The following NRXN1 variants were observed in gnomAD, a reference collection of about 807,000 sequenced individuals.
NRXN1 encodes neurexin 1.
In NRXN1, 39 loss-of-function variants were observed where a neutral mutation model predicts 150.9. The observed-to-expected ratio is 0.26, with a 90% CI of 0.20 to 0.34. The LOEUF (loss-of-function observed/expected upper bound fraction) is 0.34, where lower values mean the gene tolerates loss of function less well. Among genes scored for constraint, NRXN1 ranks in the 10% least tolerant of loss-of-function variants. The pLI is 1.00. For missense variants in NRXN1, 1,815 were observed against 1,949.9 expected, an observed-to-expected ratio of 0.93 and a Z score of 1.30; for synonymous variants, 924 against 757.0, an observed-to-expected ratio of 1.22 and a Z score of -3.62.
At chr2:50,770,873 C>T (rs1702935654) in intron 5 of NRXN1, among the ~76,000 whole-genome samples, 1 of 151,980 alleles carries the variant, frequency 6.6e-6, no homozygotes, top group Admixed American at 6.6e-5. Context: ...GACTATTTTT[C>T]CATACTTCAG....
At chr2:50,710,499 G>T (rs1355252566) in intron 5 of NRXN1, among the ~76,000 whole-genome samples, 3 of 152,058 alleles carry the variant, frequency 2.0e-5, no homozygotes, top group African/African-American at 7.2e-5. Flanking sequence ...CTATTTTTCA[G>T]CAAGCTATTA....
At chr2:50,013,485 G>A (rs903235519) in intron 21 of NRXN1, among the ~76,000 whole-genome samples, 1 of 151,960 alleles carries the variant, frequency 6.6e-6, no homozygotes, top group African/African-American at 2.4e-5. Context: ...TACTTTTGTC[G>A]TGGTTTATTA....
At chr2:50,830,612 T>G (rs1453044122) in intron 5 of NRXN1, among the ~76,000 whole-genome samples, 2 of 151,572 alleles carry the variant, frequency 1.3e-5, no homozygotes, top group African/African-American at 4.9e-5. Context: ...AGGATCACTT[T>G]CATCATTCTC....
intron 21 of NRXN1, among the ~76,000 whole-genome samples, chr2:50,027,368 TCCTTCCTTCCTTCCTCCCTC>T (rs1285211979): frequency 7.1e-5 from 6 of 84,198 alleles, no homozygotes; most frequent in Middle Eastern, 6.3e-3. Flanking sequence ...CTTCGTTGCT[TCCTTCCTTCCTTCCTCCCTC>T]CCTTCCTTCC....
intron 2 of NRXN1, among the ~76,000 whole-genome samples, chr2:50,969,756 T>C (rs1420633393): frequency 1.3e-5 from 2 of 152,160 alleles, no homozygotes; most frequent in Admixed American, 6.6e-5. Flanking sequence ...CAAAGTACTG[T>C]AGAGGCCAAG....
chr2:50,981,938 A>C (rs1696895623), intron 2 of NRXN1, among the ~76,000 whole-genome samples: 1 of 151,994 alleles, frequency 6.6e-6, no homozygotes, highest in African/African-American at 2.4e-5. Flanking sequence ...AAATCCAGAT[A>C]TCTTAAAAAG....
At chr2:50,801,006 T>C (rs1173626910) in intron 5 of NRXN1, among the ~76,000 whole-genome samples, 1 of 152,186 alleles carries the variant, frequency 6.6e-6, no homozygotes. Flanking sequence ...TTTACTGAGA[T>C]TTTTTGAATG....
At position 50,609,173 on chromosome 2, in the gene NRXN1, C is replaced by T. The variant is rs151060673; in HGVS notation, c.1320+10849G>A. Among the ~76,000 whole-genome samples, 770 of 152,122 alleles carry T rather than the reference C, an allele frequency of 5.1e-3. 10 individuals are homozygous for T. The highest frequency in any genetic ancestry group is 0.018 in the African/African-American group (742 of 41,518). ...CAATTTTCTCACAAAGCTCTTAGAACAATTAAATGAAACAACTTTTAATAT... is the reference window on the plus strand; with the variant it reads ...CAATTTTCTCACAAAGCTCTTAGAATAATTAAATGAAACAACTTTTAATAT... On this transcript the variant is annotated intron_variant, in intron 8 of 22. Coordinates refer to ENST00000401669, the MANE Select transcript of NRXN1 (RefSeq NM_001330078.2).
chr2:49,996,284 C>T (rs1682984675), intron 21 of NRXN1, among the ~76,000 whole-genome samples: 4 of 152,046 alleles, frequency 2.6e-5, no homozygotes, highest in East Asian at 1.9e-4. Context: ...AATCTCAGGA[C>T]ATGTAGAGAA....
chr2:50,506,728 G>A (rs2105001349), intron 12 of NRXN1, 111 bp from the exon 13 acceptor site: 2 of 1,027,570 alleles, frequency 1.9e-6, no homozygotes, highest in South Asian at 1.9e-5. Flanking sequence ...AGAGAGAGGA[G>A]AGAAAGAAGA....
chr2:50,248,257 T>G (rs1161073771), intron 17 of NRXN1, among the ~76,000 whole-genome samples: 3 of 152,152 alleles, frequency 2.0e-5, no homozygotes, highest in Non-Finnish European at 4.4e-5. Context: ...TCAATAGATC[T>G]TTCTGCCTTG....
intron 5 of NRXN1, among the ~76,000 whole-genome samples, chr2:50,847,206 T>C (rs1270797655): frequency 3.3e-5 from 5 of 152,158 alleles, no homozygotes; most frequent in African/African-American, 1.2e-4. Context: ...GAGCATGACC[T>C]TCCTACTTCA....
intron 5 of NRXN1, among the ~76,000 whole-genome samples, chr2:50,633,400 T>C (rs1045865323): frequency 6.6e-6 from 1 of 152,064 alleles, no homozygotes; most frequent in African/African-American, 2.4e-5. Flanking sequence ...GAGAGGGTAA[T>C]AAATATGTGA....
At chr2:50,847,204 C>T (rs1390281094) in intron 5 of NRXN1, among the ~76,000 whole-genome samples, 1 of 152,080 alleles carries the variant, frequency 6.6e-6, no homozygotes, top group Non-Finnish European at 1.5e-5. Flanking sequence ...CAGAGCATGA[C>T]CTTCCTACTT....
At chr2:50,432,901 T>C (rs2085093887) in intron 17 of NRXN1, among the ~76,000 whole-genome samples, 1 of 152,224 alleles carries the variant, frequency 6.6e-6, no homozygotes, top group African/African-American at 2.4e-5. Flanking sequence ...TTTTTGTTTA[T>C]ACAGTGAAGG....
chr2:50,226,204 C>T (rs376318733), intron 18 of NRXN1, among the ~76,000 whole-genome samples: 1 of 151,888 alleles, frequency 6.6e-6, no homozygotes, highest in African/African-American at 2.4e-5. Flanking sequence ...AGTTTTAATG[C>T]ATATTAGATG....
intron 9 of NRXN1, among the ~76,000 whole-genome samples, chr2:50,551,815 C>T (rs1667583140): frequency 6.6e-6 from 1 of 151,920 alleles, no homozygotes; most frequent in African/African-American, 2.4e-5. Flanking sequence ...TCCCTCCTTC[C>T]CTCTCTTTCT....
chr2:50,808,402 C>T (rs1329641493), intron 5 of NRXN1, among the ~76,000 whole-genome samples: 1 of 151,658 alleles, frequency 6.6e-6, no homozygotes, highest in Non-Finnish European at 1.5e-5. Flanking sequence ...TTTGAGTTGG[C>T]AGAGGTAAAT....
At chr2:50,548,719 T>G (rs940965304) in intron 9 of NRXN1, among the ~76,000 whole-genome samples, 2 of 150,402 alleles carry the variant, frequency 1.3e-5, no homozygotes, top group African/African-American at 4.8e-5. Flanking sequence ...ATGAACCTTA[T>G]AAAGTGGGTA....
Sources: gnomAD v4.1 joint callset for allele counts (sites outside exome capture counted in the v4.1 genomes callset) on GRCh38, gnomAD v4.1.1 for gene constraint, MANE v1.5 for transcripts, NCBI Gene and HGNC (gene_info 2026-07-23, HGNC 2026-07-21) for gene names.